The following FBLN5 variants were observed in gnomAD, a reference collection of about 807,000 sequenced individuals.
FBLN5 encodes fibulin-5.
Under a neutral mutation model 61.6 loss-of-function variants are expected in FBLN5, and 24 were observed. That is an observed-to-expected ratio of 0.39 (90% CI 0.28 to 0.55). FBLN5 has a LOEUF of 0.55. Ranked by LOEUF, FBLN5 falls within the 20% of genes least tolerant of loss-of-function variation. FBLN5 has a pLI of 0.65. For missense variants in FBLN5, 470 were observed against 594.1 expected (o/e 0.79, Z 2.17); for synonymous variants, 213 against 219.8 (o/e 0.97, Z 0.27).
intron 4 of FBLN5, among the ~76,000 whole-genome samples, chr14:91,915,568 T>C (rs1247421791): frequency 6.7e-6 from 1 of 150,316 alleles, no homozygotes; most frequent in African/African-American, 2.5e-5. Flanking sequence ...GCACCTGTAG[T>C]CCCAGCTACT....
At chr14:91,909,081 C>T (rs762138846) in intron 4 of FBLN5, among the ~76,000 whole-genome samples, 31 of 152,056 alleles carry the variant, frequency 2.0e-4, no homozygotes, top group Non-Finnish European at 3.7e-4. Context: ...CCACGCCCGG[C>T]TAATTTTTTG....
chr14:91,946,711 A>C (rs960282644), intron 1 of FBLN5: 7 of 1,534,940 alleles, frequency 4.6e-6, no homozygotes, highest in Admixed American at 2.0e-5. Flanking sequence ...ATTTGCTTAC[A>C]TGTATCTCTG....
Position 91,937,012 on chromosome 14 carries a change from G to C in FBLN5, c.314C>G (p.Pro105Arg), listed in dbSNP as rs750213048. The C allele has an allele frequency of 6.2e-7, 1 of 1,614,164 alleles. No homozygotes were observed. Among genetic ancestry groups the C allele is most frequent in the Admixed American group, 1.7e-5 (1 of 60,018 alleles). Residue 105 changes from proline to arginine, a missense_variant, in exon 4 of 11, where the codon CCC (proline) becomes CGC (arginine). Pro to Arg is a moderately radical substitution (Grantham distance 103, BLOSUM62 -2). Transcript: ENST00000342058. The stretch of plus-strand genomic sequence containing the variant: ...GCATATAAGAGGCCTGGAGATCGTG[G>C]GATAGTTTGGAGCTGAGAGTGGTGG... ...AAPPLSAPNY[P>R]TISRPLICRF...
At chr14:91,936,216 A>G (rs981020629) in intron 4 of FBLN5, among the ~76,000 whole-genome samples, 2 of 152,364 alleles carry the variant, frequency 1.3e-5, no homozygotes, top group African/African-American at 2.4e-5. Context: ...CTTTTGGGGT[A>G]GAGGAAAAAA....
At chr14:91,945,037 C>T (rs1237953616) in intron 1 of FBLN5, among the ~76,000 whole-genome samples, 1 of 152,116 alleles carries the variant, frequency 6.6e-6, no homozygotes, top group African/African-American at 2.4e-5. Context: ...TTGAGACCAG[C>T]CTGGGCAACA....
intron 4 of FBLN5, among the ~76,000 whole-genome samples, chr14:91,916,459 A>G (rs775639263): frequency 4.4e-4 from 67 of 152,198 alleles, no homozygotes; most frequent in Admixed American, 3.9e-4. Context: ...AATCAAACAA[A>G]AAAGAATTCA....
intron 2 of FBLN5, among the ~76,000 whole-genome samples, chr14:91,941,370 T>A (rs527281311): frequency 6.6e-6 from 1 of 152,280 alleles, no homozygotes; most frequent in Admixed American, 6.5e-5. Flanking sequence ...AGCTTTTACA[T>A]ACAACTTGAG....
intron 2 of FBLN5, chr14:91,942,055 C>G (rs902287622): frequency 6.8e-6 from 3 of 438,610 alleles, no homozygotes; most frequent in Non-Finnish European, 1.4e-5. Context: ...AGCCCTCAGC[C>G]TGCTCAGAGA....
chr14:91,881,209 C>T, intron 9 of FBLN5, 83 bp downstream of exon 9: 2 of 1,521,670 alleles, frequency 1.3e-6, no homozygotes, highest in Non-Finnish European at 1.8e-6. Context: ...CTGGCTGGTG[C>T]ACTCTCTTTC....
intron 9 of FBLN5, 131 bp downstream of exon 9, chr14:91,881,153 ACGCATGAG>A: frequency 1.7e-5 from 13 of 783,886 alleles, no homozygotes; most frequent in Non-Finnish European, 2.8e-5. Flanking sequence ...ACACACACAC[ACGCATGAG>A]CACATGACGT....
intron 4 of FBLN5, among the ~76,000 whole-genome samples, chr14:91,895,438 G>A (rs1434504097): frequency 2.6e-5 from 4 of 152,146 alleles, no homozygotes; most frequent in African/African-American, 4.8e-5. Flanking sequence ...TTAAACAGGG[G>A]TCTGCTGCGT....
At chr14:91,897,210 C>G (rs147433035) in intron 4 of FBLN5, among the ~76,000 whole-genome samples, 14 of 152,264 alleles carry the variant, frequency 9.2e-5, no homozygotes, top group African/African-American at 3.4e-4. Flanking sequence ...AAAGACCCAG[C>G]CCTGTTCTCA....
At chr14:91,906,618 T>C (rs1350982033) in intron 4 of FBLN5, among the ~76,000 whole-genome samples, 2 of 152,246 alleles carry the variant, frequency 1.3e-5, no homozygotes, top group Non-Finnish European at 2.9e-5. Context: ...CAGGATTGCA[T>C]GTTTACCTGG....
chr14:91,899,368 A>T lies in FBLN5; in HGVS notation c.380-4296T>A, dbSNP rs145864139. ...GCTCCCCACAGGTGAGGCAGTGACT[A>T]TCTGCTGCCCAGATGACCAGCACCC... is the stretch of plus-strand genomic sequence containing the variant. On this transcript the variant is annotated intron_variant, in intron 4 of 10. Transcript: ENST00000342058. Among the ~76,000 whole-genome samples the T allele has an allele frequency of 2.6e-3, 389 of 152,320 alleles. 3 individuals carry two copies. The highest frequency in any genetic ancestry group is 8.3e-3 in the African/African-American group (346 of 41,582).
At position 91,943,124 on chromosome 14, in the gene FBLN5, C is replaced by T. The variant is rs1290398992; in HGVS notation, c.18-163G>A. ...ATGGTGGTTCCAGACACCGCGACCA[C>T]CCAAGCAGAACCACACCTCTTCTAC... On this transcript the variant is annotated intron_variant, in intron 1 of 10. Coordinates refer to ENST00000342058, the MANE Select transcript of FBLN5 (RefSeq NM_006329.4). The surrounding 1 kb of genome is among the most constrained non-coding windows in gnomAD (Gnocchi z 4.0). Among the ~76,000 whole-genome samples the T allele has an allele frequency of 2.0e-5, 3 of 151,202 alleles. No individual in the cohort carries two copies. Among genetic ancestry groups the T allele is most frequent in the Non-Finnish European group, 4.4e-5 (3 of 67,802 alleles).
chr14:91,904,533 G>A (rs1843914197), intron 4 of FBLN5, among the ~76,000 whole-genome samples: 1 of 152,240 alleles, frequency 6.6e-6, no homozygotes, highest in Admixed American at 6.5e-5. Flanking sequence ...CTGTGGGGCT[G>A]CTCTGACAAG....
intron 4 of FBLN5, among the ~76,000 whole-genome samples, chr14:91,906,280 C>A (rs1048565587): frequency 2.6e-5 from 4 of 152,164 alleles, no homozygotes; most frequent in African/African-American, 9.7e-5. Context: ...CTTCCTGCTC[C>A]TCATCTCTAG....
At position 91,943,076 on chromosome 14, in the gene FBLN5, G is replaced by A; in HGVS notation, c.18-115C>T. The A allele has an allele frequency of 1.3e-6, 1 of 755,134 alleles. No homozygotes were observed. Among genetic ancestry groups the A allele is most frequent in the Non-Finnish European group, 2.4e-6 (1 of 422,880 alleles). 46.8% of individuals were successfully genotyped at this position (755,134 alleles called of 1,614,324 possible). On this transcript the variant is annotated intron_variant, in intron 1 of 10. Transcript: ENST00000342058. This position sits in a 1 kb window ranked among gnomAD's most constrained non-coding sequence, Gnocchi z 4.0. ...TGATATCACCTTGGGCTTGTATGGG[G>A]TGGGGTGTGCTCCAGGGAGGTCATG...
chr14:91,940,612 T>G lies in FBLN5; in HGVS notation c.77A>C (p.Gln26Pro), dbSNP rs768682727. 1 of 1,613,980 alleles carries G rather than the reference T, an allele frequency of 6.2e-7. No homozygotes were observed. Among genetic ancestry groups the G allele is most frequent in the Non-Finnish European group, 8.5e-7 (1 of 1,179,856 alleles). Residue 26 changes from glutamine to proline, a missense_variant, in exon 3 of 11, where the codon CAG becomes CCG. Transcript: ENST00000342058. ...ATCCAGGTCAAAGCCATTCGTGCAC[T>G]GTGCCTGCAGGGAAGGAGAGAGGAG... ...CLPSPGNAQA[Q>P]CTNGFDLDRQ...
Sources: allele counts gnomAD v4.1 joint callset (sites outside exome capture counted in the v4.1 genomes callset), GRCh38; gene constraint gnomAD v4.1.1; non-coding constraint Gnocchi (gnomAD v3.1); transcripts MANE v1.5; gene names NCBI Gene and HGNC (gene_info 2026-07-23, HGNC 2026-07-21).